The following SPATA31D1 variants were observed in gnomAD, a reference collection of about 807,000 sequenced individuals.
The protein encoded by SPATA31D1 is SPATA31 subfamily D member 1.
SPATA31D1 carries 6 observed loss-of-function variants against 13.2 expected under a neutral mutation model. The ratio of observed to expected loss-of-function variants is 0.46; its 90% CI spans 0.25 to 0.90. The LOEUF (loss-of-function observed/expected upper bound fraction) is 0.90. Among genes scored for constraint, SPATA31D1 ranks in the 40% least tolerant of loss-of-function variants. The probability of loss-of-function intolerance (pLI) is 0.18; values close to 1 mark genes in which losing one functional copy is unlikely to be tolerated. For synonymous variants in SPATA31D1, 903 were observed against 718.8 expected (o/e 1.26, Z -4.10); for missense variants, 2,445 against 1,884.7 (o/e 1.30, Z -5.50).
rs747244488 is a variant in SPATA31D1 at position 81,992,219 on chromosome 9, A to C, written c.1749A>C (p.Gln583His). ...TCACTCAGGTGAAGTCCCTGGCTCA[A>C]CCTCAATCTCCATTCCGAGCCCTAC... is the stretch of plus-strand genomic sequence containing the variant. ...PHLTQVKSLA[Q>H]PQSPFRALLP... Residue 583 changes from glutamine to histidine, a missense_variant, in exon 4 of 4, where the codon CAA (glutamine) becomes CAC (histidine). Gln to His is a conservative substitution (Grantham distance 24). Coordinates refer to ENST00000344803, the MANE Select transcript of SPATA31D1 (RefSeq NM_001001670.3). 1.9e-6 allele frequency: 3 copies of C among 1,613,518 alleles called. No individual in the cohort carries two copies. The highest frequency in any genetic ancestry group is 2.5e-6 in the Non-Finnish European group (3 of 1,179,716).
rs776059229 is a variant in SPATA31D1, at chr9:81,991,559, C to A, written c.1089C>A (p.Ala363=). 1.2e-6 allele frequency: 2 copies of A among 1,613,884 alleles called. No homozygotes were observed. The highest frequency in any genetic ancestry group is 2.7e-5 in the African/African-American group (2 of 74,906). The change falls in exon 4 of 4, where the codon GCC becomes GCA. Residue 363 remains alanine (A), a synonymous_variant. Transcript: ENST00000344803. The stretch of plus-strand genomic sequence containing the variant: ...AATTCACCTGGTGGCAGCCTCATGC[C>A]AAGGACTCTTTTTCCTCTAATTTTG... ...SSEFTWWQPH[A]KDSFSSNFVP...
Position 81,991,950 on chromosome 9 carries a change from G to A in SPATA31D1, c.1480G>A (p.Asp494Asn), listed in dbSNP as rs1319623470. 1.2e-6 allele frequency: 2 copies of A among 1,613,754 alleles called. No individual in the cohort carries two copies. Among genetic ancestry groups the A allele is most frequent in the South Asian group, 1.1e-5 (1 of 91,074 alleles). The stretch of plus-strand genomic sequence containing the variant: ...GCCTCCACACTCTAAATGCTTTGAA[G>A]ACCATTTAGAGCAAAAATATGTCCA... ...QQPPHSKCFE[D>N]HLEQKYVQLF... Residue 494 changes from aspartate (D) to asparagine (N), a missense_variant, in exon 4 of 4, where the codon GAC becomes AAC. Asp to Asn is a conservative substitution (Grantham distance 23). Transcript: ENST00000344803.
chr9:81,994,520 C>A lies in SPATA31D1; in HGVS notation c.4050C>A (p.Phe1350Leu), dbSNP rs546706775. Reference protein sequence around the residue: ...LKTQPPPENLFRKWMKTSLQW... With the variant: ...LKTQPPPENLLRKWMKTSLQW... ...CACAGCCTCCTCCTGAAAACCTTTTCAGAAAATGGATGAAGACCTCTTTGC... is the reference window on the plus strand; with the variant it reads ...CACAGCCTCCTCCTGAAAACCTTTTAAGAAAATGGATGAAGACCTCTTTGC... Residue 1350 changes from phenylalanine to leucine, a missense_variant, in exon 4 of 4, where the codon TTC (phenylalanine) becomes TTA (leucine). By Grantham distance (22) the Phe-to-Leu change is conservative. Transcript: ENST00000344803. The A allele has an allele frequency of 7.4e-6, 12 of 1,613,482 alleles. No homozygotes were observed. The highest frequency in any genetic ancestry group is 1.0e-5 in the Non-Finnish European group (12 of 1,179,654).
chr9:81,992,454 A>G lies in SPATA31D1; in HGVS notation c.1984A>G (p.Lys662Glu), dbSNP rs1157955416. The G allele has an allele frequency of 6.2e-7, 1 of 1,612,368 alleles. No individual in the cohort carries two copies. Among genetic ancestry groups the G allele is most frequent in the Admixed American group, 1.7e-5 (1 of 60,008 alleles). ...PPAPNPELVR[K>E]SFKVHVPISI... ...AGCTCCCAATCCTGAATTGGTCAGA[A>G]AGTCCTTCAAGGTCCATGTTCCGAT... Residue 662 changes from lysine to glutamate, a missense_variant, in exon 4 of 4, where the codon AAG becomes GAG. Transcript: ENST00000344803.
In SPATA31D1 at chr9:81,991,364, A is replaced by G. The variant is rs1229788075; in HGVS notation, c.894A>G (p.Pro298=). The G allele has an allele frequency of 6.2e-7, 1 of 1,613,858 alleles. No homozygotes were observed. The highest frequency in any genetic ancestry group is 8.5e-7 in the Non-Finnish European group (1 of 1,179,900). The change falls in exon 4 of 4, where the codon CCA becomes CCG. Residue 298 remains proline (P), a synonymous_variant. Coordinates refer to ENST00000344803, the MANE Select transcript of SPATA31D1 (RefSeq NM_001001670.3). Reference sequence around the variant, plus strand: ...ATTCTTGTGCTCGTCATCACGGACCACCAATCCCATCTGCTTTACCACCGG... The same window carrying G: ...ATTCTTGTGCTCGTCATCACGGACCGCCAATCCCATCTGCTTTACCACCGG... The part of the protein sequence containing the change: ...PIDSCARHHG[P]PIPSALPPED...
At position 81,992,185 on chromosome 9, in the gene SPATA31D1, C is replaced by G. The variant is rs1281713943; in HGVS notation, c.1715C>G (p.Ser572Cys). The G allele has an allele frequency of 2.5e-6, 4 of 1,613,644 alleles. No individual in the cohort carries two copies. Among genetic ancestry groups the G allele is most frequent in the Admixed American group, 1.7e-5 (1 of 59,992 alleles). The change falls in exon 4 of 4, where the codon TCC (serine) becomes TGC (cysteine). Residue 572 changes from serine to cysteine, a missense_variant. Ser to Cys is a moderately radical substitution (Grantham distance 112). Transcript: ENST00000344803. ...CCTCAAACCCTGCCCCAAGGTCAGT[C>G]CCCACATCTCACTCAGGTGAAGTCC... ...PLPQTLPQGQSPHLTQVKSLA... is the reference protein window; with the variant it reads ...PLPQTLPQGQCPHLTQVKSLA...
intron 3 of SPATA31D1, 95 bp downstream of exon 3, chr9:81,990,581 G>T: frequency 7.1e-7 from 1 of 1,400,794 alleles, no homozygotes; most frequent in South Asian, 1.4e-5. Flanking sequence ...GCCTGCTGTA[G>T]TTTTGGGAGT....
upstream of SPATA31D1, among the ~76,000 whole-genome samples, chr9:81,988,036 C>T (rs182110831): frequency 6.6e-6 from 1 of 152,296 alleles, no homozygotes; most frequent in East Asian, 1.9e-4. Flanking sequence ...CGCTTTCCTT[C>T]CACCAATCAA....
rs991330071 is a variant in SPATA31D1, at chr9:81,991,884, G to A, written c.1414G>A (p.Ala472Thr). 1.9e-6 allele frequency: 3 copies of A among 1,613,532 alleles called. No individual in the cohort carries two copies. Among genetic ancestry groups the A allele is most frequent in the African/African-American group, 2.7e-5 (2 of 74,850 alleles). The change falls in exon 4 of 4, where the codon GCC (alanine) becomes ACC (threonine). Residue 472 changes from alanine to threonine, a missense_variant. Physicochemically the swap from Ala to Thr is moderately conservative, Grantham distance 58. Coordinates refer to ENST00000344803, the MANE Select transcript of SPATA31D1 (RefSeq NM_001001670.3). ...CTTGGCAGAATCCTTTCCTTTTTGG[G>A]CCAGTAAAGGCAAACTAGAATGGCA... Reference protein sequence around the residue: ...HDLAESFPFWASKGKLEWQHI... With the variant: ...HDLAESFPFWTSKGKLEWQHI...
In SPATA31D1 at chr9:81,994,673, A is replaced by G. The variant is rs1587533750; in HGVS notation, c.4203A>G (p.Glu1401=). ...VIRAAFTGTT[E]AQKIRKDTRE... ...GAGCTGCCTTTACTGGGACTACTGA[A>G]GCTCAGAAAATTAGGAAAGACACTA... Residue 1401 remains glutamate, a synonymous_variant, in exon 4 of 4, where the codon GAA becomes GAG. Transcript: ENST00000344803. The G allele has an allele frequency of 6.2e-7, 1 of 1,613,570 alleles. No homozygotes were observed. Among genetic ancestry groups the G allele is most frequent in the Non-Finnish European group, 8.5e-7 (1 of 1,179,682 alleles).
Position 81,991,430 on chromosome 9 carries a change from C to T in SPATA31D1, c.960C>T (p.Ile320=), listed in dbSNP as rs753454037. The T allele has an allele frequency of 1.9e-6, 3 of 1,614,062 alleles. No homozygotes were observed. The South Asian group carries it at 3.3e-5, about 18-fold the overall frequency. ...TVTQSKSSLT[I]LKTFPEMLSL... The stretch of plus-strand genomic sequence containing the variant: ...CTCAGTCTAAATCAAGTCTCACCAT[C>T]TTGAAGACTTTTCCGGAAATGTTAT... The change falls in exon 4 of 4, where the codon ATC becomes ATT. Residue 320 remains isoleucine (I), a synonymous_variant. Transcript: ENST00000344803.
In SPATA31D1 at chr9:81,990,983, T is replaced by A. The variant is rs1824942733; in HGVS notation, c.513T>A (p.Thr171=). ...CTTCTGCGACTGAGTCATCGTTCAC[T>A]CTGGCTTCCACCCCCTCAGCAACCC... The part of the protein sequence containing the change: ...SSASATESSF[T]LASTPSATPP... Residue 171 remains threonine (T), a synonymous_variant, in exon 4 of 4, where the codon ACT becomes ACA. Transcript: ENST00000344803. 6 of 1,613,810 alleles carry A rather than the reference T, an allele frequency of 3.7e-6. No individual in the cohort carries two copies. The highest frequency in any genetic ancestry group is 5.1e-6 in the Non-Finnish European group (6 of 1,179,772).
At position 81,994,510 on chromosome 9, in the gene SPATA31D1, A is replaced by C. The variant is rs1417497404; in HGVS notation, c.4040A>C (p.Glu1347Ala). ...SPTLKTQPPP[E>A]NLFRKWMKTS... ...ACCTTGAAAACACAGCCTCCTCCTG[A>C]AAACCTTTTCAGAAAATGGATGAAG... is the stretch of plus-strand genomic sequence containing the variant. The change falls in exon 4 of 4, where the codon GAA becomes GCA. Residue 1347 changes from glutamate to alanine, a missense_variant. Coordinates refer to ENST00000344803, the MANE Select transcript of SPATA31D1 (RefSeq NM_001001670.3). 6.2e-7 allele frequency: 1 copy of C among 1,613,544 alleles called. No homozygotes were observed. Among genetic ancestry groups the C allele is most frequent in the Non-Finnish European group, 8.5e-7 (1 of 1,179,696 alleles).
rs753291215 is a variant in SPATA31D1 at position 81,993,438 on chromosome 9, T to C, written c.2968T>C (p.Ser990Pro). The part of the protein sequence containing the change: ...VPILDRPHPV[S>P]SPVVQEGQGT... ...CATCCTTGATCGTCCTCACCCTGTC[T>C]CCTCACCTGTCGTCCAAGAAGGGCA... The change falls in exon 4 of 4, where the codon TCC (serine) becomes CCC (proline). Residue 990 changes from serine to proline, a missense_variant. Coordinates refer to ENST00000344803, the MANE Select transcript of SPATA31D1 (RefSeq NM_001001670.3). 3 of 1,613,812 alleles carry C rather than the reference T, an allele frequency of 1.9e-6. No homozygotes were observed. Among genetic ancestry groups the C allele is most frequent in the African/African-American group, 1.3e-5 (1 of 74,994 alleles).
At chr9:81,987,681 A>C (rs531570802), upstream of SPATA31D1, among the ~76,000 whole-genome samples, 1 of 152,314 alleles carries the variant, frequency 6.6e-6, no homozygotes, top group Admixed American at 6.5e-5. Context: ...TTGTACACTT[A>C]TTTTTGTTTT....
rs529760209 is a variant in SPATA31D1, at chr9:81,993,316, C to A, written c.2846C>A (p.Thr949Asn). Residue 949 changes from threonine (T) to asparagine (N), a missense_variant, in exon 4 of 4, where the codon ACC becomes AAC. By Grantham distance (65) the Thr-to-Asn change is moderately conservative. Coordinates refer to ENST00000344803, the MANE Select transcript of SPATA31D1 (RefSeq NM_001001670.3). ...FSHFDLPSSA[T>N]FISQGDSKDG... The stretch of plus-strand genomic sequence containing the variant: ...CATTTCGACCTTCCCTCCTCAGCCA[C>A]CTTCATCTCTCAGGGAGATTCCAAA... 3 of 1,613,994 alleles carry A rather than the reference C, an allele frequency of 1.9e-6. No individual in the cohort carries two copies.
Position 81,993,445 on chromosome 9 carries a change from CT to C in SPATA31D1, c.2976del (p.Val993SerfsTer9), listed in dbSNP as rs779066688. On this transcript the variant is annotated frameshift_variant, in exon 4 of 4. Coordinates refer to ENST00000344803, the MANE Select transcript of SPATA31D1 (RefSeq NM_001001670.3). LOFTEE classifies it low-confidence loss of function (END_TRUNC). ...GATCGTCCTCACCCTGTCTCCTCAC[CT>C]GTCGTCCAAGAAGGGCAGGGGACCC... is the stretch of plus-strand genomic sequence containing the variant. ...ILDRPHPVSS[P>X]VVQEGQGTLR... The C allele has an allele frequency of 2.5e-6, 4 of 1,613,908 alleles. No homozygotes were observed. In the South Asian group the frequency reaches 4.4e-5, roughly 18 times the overall value.
chr9:81,994,230 G>A lies in SPATA31D1; in HGVS notation c.3760G>A (p.Val1254Met). The A allele has an allele frequency of 6.2e-7, 1 of 1,614,000 alleles. No homozygotes were observed. The highest frequency in any genetic ancestry group is 8.5e-7 in the Non-Finnish European group (1 of 1,179,890). The part of the protein sequence containing the change: ...ISSGDMGTSQ[V>M]VHVHLEDSGI... ...GAGTGGGGACATGGGAACTTCCCAG[G>A]TGGTGCATGTCCACTTGGAGGACAG... Residue 1254 changes from valine (V) to methionine (M), a missense_variant, in exon 4 of 4, where the codon GTG becomes ATG. Coordinates refer to ENST00000344803, the MANE Select transcript of SPATA31D1 (RefSeq NM_001001670.3).
chr9:81,987,451 A>G (rs1303493655), upstream of SPATA31D1, among the ~76,000 whole-genome samples: 1 of 152,142 alleles, frequency 6.6e-6, no homozygotes, highest in Non-Finnish European at 1.5e-5. Flanking sequence ...GGGGACTTGC[A>G]TCTGTGTTCC....
Sources: gnomAD v4.1 joint callset for allele counts (sites outside exome capture counted in the v4.1 genomes callset) on GRCh38, gnomAD v4.1.1 for gene constraint, MANE v1.5 for transcripts, NCBI Gene and HGNC (gene_info 2026-07-23, HGNC 2026-07-21) for gene names.